RNF146: variants seen among roughly 807,000 people sequenced by gnomAD.
RNF146 encodes E3 ubiquitin-protein ligase RNF146.
In RNF146, 11 loss-of-function variants were observed where a neutral mutation model predicts 29.7. That is an observed-to-expected ratio of 0.37 (90% confidence interval 0.23 to 0.61). The LOEUF (loss-of-function observed/expected upper bound fraction) is 0.61. RNF146 is among the 20% of genes least tolerant of loss of function. RNF146 has a pLI of 0.66. For synonymous variants in RNF146, 150 were observed against 159.7 expected (o/e 0.94, Z 0.46); for missense variants, 342 against 438.9 (o/e 0.78, Z 1.97).
At chr6:127,274,847 G>C (rs1777980729) in intron 1 of RNF146, among the ~76,000 whole-genome samples, 1 of 152,180 alleles carries the variant, frequency 6.6e-6, no homozygotes. Context: ...TGTGGTAGGA[G>C]CATCACATGA....
At chr6:127,283,368 T>C (rs1350232443) in intron 2 of RNF146, among the ~76,000 whole-genome samples, 2 of 151,830 alleles carry the variant, frequency 1.3e-5, no homozygotes, top group Non-Finnish European at 2.9e-5. Context: ...ATTAGAATTT[T>C]CTGAGACATT....
chr6:127,274,534 G>A (rs1777928689), intron 1 of RNF146, among the ~76,000 whole-genome samples: 1 of 152,114 alleles, frequency 6.6e-6, no homozygotes, highest in African/African-American at 2.4e-5. Flanking sequence ...TATTTCTTAG[G>A]AATAAAATGG....
intron 2 of RNF146, among the ~76,000 whole-genome samples, chr6:127,283,779 A>T (rs1250673722): frequency 6.6e-6 from 1 of 151,806 alleles, no homozygotes. Context: ...TGCTATGGCA[A>T]ATTGATAGTT....
intron 1 of RNF146, among the ~76,000 whole-genome samples, chr6:127,270,057 G>C (rs1037229377): frequency 7.9e-5 from 12 of 151,982 alleles, no homozygotes; most frequent in African/African-American, 2.9e-4. Flanking sequence ...ATAATCGCTT[G>C]CTTGAATCTA....
intron 1 of RNF146, among the ~76,000 whole-genome samples, chr6:127,269,633 A>G (rs1777173089): frequency 6.6e-6 from 1 of 152,146 alleles, no homozygotes. Context: ...TCCAAGTATG[A>G]CCTATGCTTT....
intron 1 of RNF146, among the ~76,000 whole-genome samples, chr6:127,272,394 T>G (rs565374141): frequency 1.3e-5 from 2 of 152,310 alleles, no homozygotes; most frequent in Admixed American, 1.3e-4. Flanking sequence ...ATTATGTTAG[T>G]TTTAATTCAT....
intron 1 of RNF146, among the ~76,000 whole-genome samples, chr6:127,268,773 C>T (rs528696076): frequency 9.1e-4 from 138 of 152,202 alleles, no homozygotes; most frequent in African/African-American, 3.2e-3. Context: ...GAAATAACTT[C>T]TTTTAAAAGG....
chr6:127,276,923 C>A (rs969732045), intron 1 of RNF146, among the ~76,000 whole-genome samples: 1 of 151,912 alleles, frequency 6.6e-6, no homozygotes, highest in Non-Finnish European at 1.5e-5. Flanking sequence ...TGTCTACTGG[C>A]CTAGAATTTC....
chr6:127,280,405 G>T, intron 2 of RNF146, 65 bp downstream of exon 2: 1 of 1,509,782 alleles, frequency 6.6e-7, no homozygotes, highest in Non-Finnish European at 9.0e-7. Context: ...TTAACGTGTG[G>T]TAAATTGAGT....
At chr6:127,269,234 T>C (rs556510667) in intron 1 of RNF146, among the ~76,000 whole-genome samples, 1 of 152,222 alleles carries the variant, frequency 6.6e-6, no homozygotes, top group Non-Finnish European at 1.5e-5. Context: ...CAAAATGTTG[T>C]TAACGGACTG....
chr6:127,286,217 G>A lies in RNF146; in HGVS notation c.3-399G>A. On this transcript the variant is annotated intron_variant, in intron 2 of 2. Transcript: ENST00000368314. The surrounding 1 kb of genome is among the most constrained non-coding windows in gnomAD (Gnocchi z 4.6). ...ACTAATGGTTTAACTGAGTGCCTAA[G>A]AGCACATAATTAATAAAGGACTCTA... is the stretch of plus-strand genomic sequence containing the variant. 2 of 1,226,258 alleles carry A rather than the reference G, an allele frequency of 1.6e-6. No homozygotes were observed. The highest frequency in any genetic ancestry group is 6.3e-5 in the East Asian group (2 of 31,590). The allele number at this position is 1,226,258 out of a possible 1,614,324, so 76.0% of individuals were successfully genotyped here.
intron 1 of RNF146, among the ~76,000 whole-genome samples, chr6:127,278,789 T>G (rs1303852368): frequency 6.6e-6 from 1 of 151,932 alleles, no homozygotes; most frequent in African/African-American, 2.4e-5. Context: ...GGTCCTATTT[T>G]TCTACATCCT....
At chr6:127,284,445 A>C (rs1309788708) in intron 2 of RNF146, among the ~76,000 whole-genome samples, 1 of 151,862 alleles carries the variant, frequency 6.6e-6, no homozygotes, top group African/African-American at 2.4e-5. Context: ...TAAATGGATC[A>C]CTTTCTTGTT....
At chr6:127,276,390 C>A (rs894244224) in intron 1 of RNF146, among the ~76,000 whole-genome samples, 2 of 151,788 alleles carry the variant, frequency 1.3e-5, no homozygotes, top group Non-Finnish European at 2.9e-5. Flanking sequence ...GAGCAGGGGG[C>A]TGTGTGGTGA....
intron 2 of RNF146, chr6:127,282,262 C>G (rs1198363809): frequency 1.3e-5 from 2 of 151,654 alleles, no homozygotes; most frequent in African/African-American, 4.8e-5. Flanking sequence ...TCCTTACACC[C>G]CTTCCTGGCT....
chr6:127,287,710 C>A lies in RNF146; in HGVS notation c.*17C>A. The A allele has an allele frequency of 6.9e-7, 1 of 1,451,750 alleles. No individual in the cohort carries two copies. Among genetic ancestry groups the A allele is most frequent in the South Asian group, 1.3e-5 (1 of 77,898 alleles). 89.9% of individuals were successfully genotyped at this position (1,451,750 alleles called of 1,614,324 possible). ...GAAGTTTAAATAAAAATGTCTTCAG[C>A]TCCATGCTCAAGGTTGAAAGGGTTA... On this transcript the variant is annotated 3_prime_UTR_variant, in exon 3 of 3. Transcript: ENST00000368314.
chr6:127,283,142 C>T (rs1221648880), intron 2 of RNF146, among the ~76,000 whole-genome samples: 1 of 151,632 alleles, frequency 6.6e-6, no homozygotes, highest in African/African-American at 2.4e-5. Flanking sequence ...TTAATAGACT[C>T]TTATTAGTCT....
rs139409135 is a variant in RNF146 at position 127,287,756 on chromosome 6, T to C, written c.*63T>C. ...GGTTACCTGTAAATTTCTGCCCACA[T>C]AACATTATACTCATCCCTAGTAGTG... On this transcript the variant is annotated 3_prime_UTR_variant, in exon 3 of 3. Transcript: ENST00000368314. 3.8e-6 allele frequency: 4 copies of C among 1,055,854 alleles called. No homozygotes were observed. The highest frequency in any genetic ancestry group is 1.6e-5 in the African/African-American group (1 of 62,716). The allele number at this position is 1,055,854 out of a possible 1,614,324, so 65.4% of individuals were successfully genotyped here.
chr6:127,287,474 A>G lies in RNF146; in HGVS notation c.861A>G (p.Glu287=). ...CAGCACCAGACACCTCCATTGAAGA[A>G]ACTGAATCAGATGCCAGTAGTGATA... The part of the protein sequence containing the change: ...RVPAPDTSIE[E]TESDASSDSE... Residue 287 remains glutamate (E), a synonymous_variant, in exon 3 of 3, where the codon GAA becomes GAG. Coordinates refer to ENST00000368314, the MANE Select transcript of RNF146 (RefSeq NM_001242850.2). The G allele has an allele frequency of 6.2e-7, 1 of 1,613,426 alleles. No homozygotes were observed. The highest frequency in any genetic ancestry group is 1.3e-5 in the African/African-American group (1 of 74,968).
Sources: allele counts gnomAD v4.1 joint callset (sites outside exome capture counted in the v4.1 genomes callset), GRCh38; gene constraint gnomAD v4.1.1; non-coding constraint Gnocchi (gnomAD v3.1); transcripts MANE v1.5; gene names NCBI Gene and HGNC (gene_info 2026-07-23, HGNC 2026-07-21).